The following FAM184B variants were observed in gnomAD, a reference collection of about 807,000 sequenced individuals.
FAM184B encodes protein FAM184B.
Under a neutral mutation model 135.9 loss-of-function variants are expected in FAM184B, and 111 were observed. The observed-to-expected ratio is 0.82, with a 90% CI of 0.70 to 0.96. The LOEUF is 0.96. Among genes scored for constraint, FAM184B ranks in the 40% least tolerant of loss-of-function variants. The pLI, the probability that FAM184B is intolerant of heterozygous loss-of-function variation, is 0.00. For synonymous variants in FAM184B, 552 were observed against 524.8 expected (o/e 1.05, Z -0.71); for missense variants, 1,375 against 1,323.9 (o/e 1.04, Z -0.60).
At chr4:17,672,258 T>TA (rs71167322) in intron 7 of FAM184B, among the ~76,000 whole-genome samples, 137,157 of 151,722 alleles carry the variant, frequency 0.9, 62,696 homozygotes, top group Non-Finnish European at 0.98. Context: ...TTCAAAGTGC[T>TA]AAAAAAAATG....
In FAM184B at chr4:17,781,147, G is replaced by T. The variant is rs958711419; in HGVS notation, c.141+12C>A. 1.3e-6 allele frequency: 2 copies of T among 1,529,042 alleles called. No individual in the cohort carries two copies. The highest frequency in any genetic ancestry group is 5.1e-5 in the East Asian group (2 of 39,526). 94.7% of individuals were successfully genotyped at this position (1,529,042 alleles called of 1,614,324 possible). On this transcript the variant is annotated intron_variant, in intron 1 of 17. Coordinates refer to ENST00000265018, the MANE Select transcript of FAM184B (RefSeq NM_015688.2). This position sits in a 1 kb window ranked among gnomAD's most constrained non-coding sequence, Gnocchi z 6.5. Reference sequence around the variant, plus strand: ...GGCGTGCAGCTCGCTGGCCCGCTGCGCCCCACCTTACCTTGGTGAGCTGGG... The same window carrying T: ...GGCGTGCAGCTCGCTGGCCCGCTGCTCCCCACCTTACCTTGGTGAGCTGGG...
intron 16 of FAM184B, among the ~76,000 whole-genome samples, 160 bp downstream of exon 16, chr4:17,634,849 A>T (rs1715072899): frequency 6.6e-6 from 1 of 151,450 alleles, no homozygotes; most frequent in African/African-American, 2.4e-5. Context: ...TAAAAATCAC[A>T]CATAATCCGC....
At chr4:17,770,254 A>C (rs1718784498) in intron 1 of FAM184B, among the ~76,000 whole-genome samples, 1 of 152,270 alleles carries the variant, frequency 6.6e-6, no homozygotes, top group Non-Finnish European at 1.5e-5. Flanking sequence ...TATTTAAAAG[A>C]TAATTCTTGC....
intron 1 of FAM184B, among the ~76,000 whole-genome samples, chr4:17,765,864 G>C (rs902357195): frequency 6.6e-6 from 1 of 151,962 alleles, no homozygotes; most frequent in African/African-American, 2.4e-5. Flanking sequence ...TGGAGAGTTC[G>C]GGGTCTCCCT....
rs924448079 is a variant in FAM184B, at chr4:17,636,665, A to C, written c.2667-20T>G. ...TTCAGTCTGTTCCAAGCAGGCATGCAGTCAAGTCCCCCTTACAGCAATTAC... is the reference window on the plus strand; with the variant it reads ...TTCAGTCTGTTCCAAGCAGGCATGCCGTCAAGTCCCCCTTACAGCAATTAC... On this transcript the variant is annotated intron_variant, in intron 14 of 17. Coordinates refer to ENST00000265018, the MANE Select transcript of FAM184B (RefSeq NM_015688.2). The C allele has an allele frequency of 3.3e-6, 5 of 1,522,826 alleles. No individual in the cohort carries two copies. Among genetic ancestry groups the C allele is most frequent in the Non-Finnish European group, 4.4e-6 (5 of 1,128,772 alleles). 94.3% of individuals were successfully genotyped at this position (1,522,826 alleles called of 1,614,324 possible). A position where few individuals can be genotyped will look rare whatever the true frequency, so the allele number is the denominator to read the frequency against.
At chr4:17,638,134 C>CTTTTTT (rs56926847) in intron 14 of FAM184B, among the ~76,000 whole-genome samples, 66 of 73,398 alleles carry the variant, frequency 9.0e-4, no homozygotes, top group South Asian at 2.1e-3. Flanking sequence ...TAACTGTTTG[C>CTTTTTT]TTTTTTTTTT....
At chr4:17,764,616 C>T (rs921997752) in intron 1 of FAM184B, among the ~76,000 whole-genome samples, 2 of 152,108 alleles carry the variant, frequency 1.3e-5, no homozygotes, top group South Asian at 2.1e-4. Context: ...AGTTTAACAG[C>T]GAAAAGTCCA....
intron 17 of FAM184B, 54 bp downstream of exon 17, chr4:17,633,635 C>T: frequency 1.5e-6 from 2 of 1,373,174 alleles, no homozygotes; most frequent in Non-Finnish European, 9.5e-7. Context: ...CCTACTTCCC[C>T]TCTTATCTAC....
At chr4:17,668,446 C>A (rs1716101178) in intron 7 of FAM184B, among the ~76,000 whole-genome samples, 2 of 152,206 alleles carry the variant, frequency 1.3e-5, no homozygotes, top group Admixed American at 1.3e-4. Flanking sequence ...GAAGCCTTCA[C>A]AATCTTTTTT....
chr4:17,706,036 C>A (rs1717111791), intron 3 of FAM184B, 145 bp from the exon 4 acceptor site: 2 of 1,063,254 alleles, frequency 1.9e-6, no homozygotes, highest in Admixed American at 4.8e-5. Flanking sequence ...GTCTGCTGAC[C>A]CCGAAGCATG....
intron 1 of FAM184B, among the ~76,000 whole-genome samples, chr4:17,723,525 C>T (rs1717577851): frequency 6.6e-6 from 1 of 152,210 alleles, no homozygotes; most frequent in African/African-American, 2.4e-5. Context: ...GGGTCAGATG[C>T]TGCTCACTTA....
chr4:17,728,817 T>A (rs538755369), intron 1 of FAM184B, among the ~76,000 whole-genome samples: 31 of 152,246 alleles, frequency 2.0e-4, no homozygotes, highest in African/African-American at 7.5e-4. Flanking sequence ...GCTCCCAGCG[T>A]GAGCGACACA....
rs1264309865 is a variant in FAM184B, at chr4:17,632,522, A to G, written c.*10T>C. 1 of 1,544,726 alleles carries G rather than the reference A, an allele frequency of 6.5e-7. No homozygotes were observed. The highest frequency in any genetic ancestry group is 2.0e-5 in the Admixed American group (1 of 50,582). On this transcript the variant is annotated 3_prime_UTR_variant, in exon 18 of 18. Transcript: ENST00000265018. ...TCAAGTATCCTCTGTGATGTATCCCAAAGGTTAGCTTAGAAAGAAAAGTAC... is the reference window on the plus strand; with the variant it reads ...TCAAGTATCCTCTGTGATGTATCCCGAAGGTTAGCTTAGAAAGAAAAGTAC...
chr4:17,637,406 C>T (rs1006291656), intron 14 of FAM184B, among the ~76,000 whole-genome samples: 12 of 152,214 alleles, frequency 7.9e-5, no homozygotes, highest in African/African-American at 2.9e-4. Context: ...AGATAATCTA[C>T]TGACTGGAGT....
chr4:17,703,372 C>G (rs1021921678), intron 5 of FAM184B, among the ~76,000 whole-genome samples: 16 of 151,940 alleles, frequency 1.1e-4, no homozygotes, highest in African/African-American at 3.9e-4. Flanking sequence ...GTAGCATGCA[C>G]CTGCAGCCCC....
At chr4:17,660,228 C>G (rs1715882582) in intron 8 of FAM184B, 141 bp from the exon 9 acceptor site, 6 of 1,056,612 alleles carry the variant, frequency 5.7e-6, no homozygotes, top group Non-Finnish European at 8.0e-6. Context: ...TCTTGCTTGG[C>G]TTTCAAAAAG....
intron 1 of FAM184B, among the ~76,000 whole-genome samples, chr4:17,745,692 G>T (rs1210527060): frequency 6.6e-6 from 1 of 152,076 alleles, no homozygotes; most frequent in Admixed American, 6.5e-5. Context: ...TAAATCTCTT[G>T]TACATCTAAA....
chr4:17,710,147 G>A (rs1276322608), intron 1 of FAM184B, among the ~76,000 whole-genome samples: 1 of 152,034 alleles, frequency 6.6e-6, no homozygotes, highest in African/African-American at 2.4e-5. Context: ...CCAACATGGC[G>A]ATCTGGTCTC....
chr4:17,715,860 C>A (rs1216782798), intron 1 of FAM184B, among the ~76,000 whole-genome samples: 1 of 152,138 alleles, frequency 6.6e-6, no homozygotes, highest in African/African-American at 2.4e-5. Context: ...TCTCTGCCTC[C>A]TTCTGAGAGC....
Sources: gnomAD v4.1 joint callset for allele counts (sites outside exome capture counted in the v4.1 genomes callset) on GRCh38, gnomAD v4.1.1 for gene constraint, Gnocchi (gnomAD v3.1) non-coding constraint, MANE v1.5 for transcripts, NCBI Gene and HGNC (gene_info 2026-07-23, HGNC 2026-07-21) for gene names.